UBXN2A: variants seen among roughly 807,000 people sequenced by gnomAD.
UBXN2A encodes the protein UBX domain protein 2A.
A neutral mutation model predicts 28.4 loss-of-function variants in UBXN2A; 28 were observed. The ratio of observed to expected loss-of-function variants is 0.99; its 90% CI spans 0.73 to 1.35. UBXN2A has a LOEUF of 1.35. Ranked by LOEUF, UBXN2A falls within the 40% of genes most tolerant of loss-of-function variation. The pLI, the probability that UBXN2A is intolerant of heterozygous loss-of-function variation, is 0.00. For synonymous variants in UBXN2A, 97 were observed against 103.6 expected (o/e 0.94, Z 0.39); for missense variants, 253 against 297.9 (o/e 0.85, Z 1.11).
chr2:23,975,023 C>T (rs569266127), intron 3 of UBXN2A, among the ~76,000 whole-genome samples: 9 of 151,696 alleles, frequency 5.9e-5, no homozygotes, highest in Non-Finnish European at 1.2e-4. Context: ...ACCTTGACAG[C>T]TTCTCAAAAC....
intron 1 of UBXN2A, among the ~76,000 whole-genome samples, chr2:23,932,318 C>T (rs1705392807): frequency 7.4e-6 from 1 of 135,264 alleles, no homozygotes; most frequent in Non-Finnish European, 1.6e-5. Context: ...ATTTTTCCCC[C>T]TCCGTCTTGG....
intron 5 of UBXN2A, 68 bp from the exon 6 acceptor site, chr2:23,984,605 T>C: frequency 8.2e-7 from 1 of 1,222,508 alleles, no homozygotes; most frequent in Non-Finnish European, 1.1e-6. Flanking sequence ...ATTTTTATAG[T>C]AATTATTTAA....
chr2:23,992,430 G>C (rs1708387493), intron 6 of UBXN2A, among the ~76,000 whole-genome samples: 1 of 152,226 alleles, frequency 6.6e-6, no homozygotes, highest in African/African-American at 2.4e-5. Context: ...GGGGAACTTA[G>C]CTTAGCCTGT....
chr2:23,978,162 G>A (rs1431472355), intron 4 of UBXN2A, among the ~76,000 whole-genome samples: 1 of 152,100 alleles, frequency 6.6e-6, no homozygotes. Flanking sequence ...TTAGGAACTT[G>A]AATTCTGATC....
chr2:23,928,203 GAGAA>G (rs1230253197), intron 1 of UBXN2A, among the ~76,000 whole-genome samples: 1 of 149,534 alleles, frequency 6.7e-6, no homozygotes, highest in Non-Finnish European at 1.5e-5. Flanking sequence ...GAAAGAGAGA[GAGAA>G]AGGAAGAAAG....
intron 2 of UBXN2A, among the ~76,000 whole-genome samples, chr2:23,966,666 T>C (rs12993214): frequency 0.91 from 131,858 of 145,012 alleles, 59,979 homozygotes; most frequent in East Asian, 0.94. Context: ...TTAGCCAGGA[T>C]GGTCTCGATC....
intron 2 of UBXN2A, among the ~76,000 whole-genome samples, chr2:23,965,955 T>G (rs1412094355): frequency 6.6e-6 from 1 of 152,132 alleles, no homozygotes; most frequent in Non-Finnish European, 1.5e-5. Context: ...TGCCTTATAA[T>G]AAATTGGTTC....
Position 24,002,513 on chromosome 2 carries a change from G to T in UBXN2A, c.*2646G>T, listed in dbSNP as rs1441738104. ...GCAACTTGTCCCCCCGGGTTCAAGC[G>T]ATTCTTCTGCCACAGCCTCCCGAGT... On this transcript the variant is annotated 3_prime_UTR_variant, in exon 7 of 7. Transcript: ENST00000309033. 2.0e-5 allele frequency: 3 copies of T among 152,058 alleles called. No homozygotes were observed. Among genetic ancestry groups the T allele is most frequent in the Non-Finnish European group, 2.9e-5 (2 of 68,078 alleles). The allele number at this position is 152,058 out of a possible 1,614,324, so 9.4% of individuals were successfully genotyped here.
At chr2:23,952,961 T>C (rs1199325554) in intron 1 of UBXN2A, among the ~76,000 whole-genome samples, 1 of 60,444 alleles carries the variant, frequency 1.7e-5, no homozygotes, top group Non-Finnish European at 3.0e-5. Flanking sequence ...ATGAAGCTCT[T>C]AGTTGTTTTT....
chr2:23,985,602 G>GTTTTTT (rs34825489), intron 6 of UBXN2A, among the ~76,000 whole-genome samples: 1,489 of 144,360 alleles, frequency 0.01, 16 homozygotes, highest in Non-Finnish European at 0.017. Flanking sequence ...TGTCTAGACA[G>GTTTTTT]TTTTTTTTTT....
chr2:23,949,901 T>C (rs13035058), intron 1 of UBXN2A, among the ~76,000 whole-genome samples: 111,001 of 151,688 alleles, frequency 0.73, 41,059 homozygotes, highest in East Asian at 0.85. Context: ...TTTGTATAAA[T>C]GTGTGGGGTA....
At chr2:23,954,104 C>G (rs944446466) in intron 1 of UBXN2A, among the ~76,000 whole-genome samples, 4 of 152,146 alleles carry the variant, frequency 2.6e-5, no homozygotes, top group African/African-American at 9.7e-5. Flanking sequence ...CCTCCGCCTC[C>G]CGGGTACAAG....
chr2:23,946,309 A>G (rs986009350), intron 1 of UBXN2A, among the ~76,000 whole-genome samples: 2 of 148,676 alleles, frequency 1.3e-5, no homozygotes, highest in African/African-American at 4.9e-5. Flanking sequence ...GTGTGCCATC[A>G]TGCCTGGCTA....
chr2:23,942,994 C>G (rs1014321816), intron 1 of UBXN2A, among the ~76,000 whole-genome samples: 2 of 150,312 alleles, frequency 1.3e-5, no homozygotes, highest in Non-Finnish European at 3.0e-5. Context: ...GACGGAGTCT[C>G]GCACAGGCAG....
intron 1 of UBXN2A, among the ~76,000 whole-genome samples, chr2:23,946,262 C>A (rs1030490491): frequency 6.6e-6 from 1 of 152,130 alleles, no homozygotes; most frequent in Non-Finnish European, 1.5e-5. Flanking sequence ...AAGCGATTCT[C>A]CCGCCTCAGC....
At chr2:23,980,494 T>C (rs1707848161) in intron 4 of UBXN2A, among the ~76,000 whole-genome samples, 1 of 152,222 alleles carries the variant, frequency 6.6e-6, no homozygotes, top group Admixed American at 6.6e-5. Context: ...TAAAGGGGTA[T>C]GTCATTCTGG....
chr2:23,961,886 C>A (rs1221340932), intron 2 of UBXN2A, among the ~76,000 whole-genome samples: 2 of 146,152 alleles, frequency 1.4e-5, no homozygotes, highest in Non-Finnish European at 3.0e-5. Flanking sequence ...GCTCTGTCAC[C>A]CAGGCTGGAG....
At chr2:23,996,368 T>G (rs758756049) in intron 6 of UBXN2A, among the ~76,000 whole-genome samples, 2 of 151,476 alleles carry the variant, frequency 1.3e-5, no homozygotes, top group Admixed American at 6.6e-5. Context: ...TGCCCAGCCC[T>G]CTTAATGTCT....
Position 23,958,337 on chromosome 2 carries a change from A to G in UBXN2A, c.23A>G (p.Lys8Arg), listed in dbSNP as rs150887344. ...AGAATGAAAGACGTAGATAACCTCA[A>G]AAGTATAAAAGAAGAATGGTAAGTT... The part of the protein sequence containing the change: MKDVDNL[K>R]SIKEEWVCET... Residue 8 changes from lysine (K) to arginine (R), a missense_variant, in exon 2 of 7, where the codon AAA (lysine) becomes AGA (arginine). Physicochemically the swap from Lys to Arg is conservative, Grantham distance 26. Coordinates refer to ENST00000309033, the MANE Select transcript of UBXN2A (RefSeq NM_181713.4). 3.5e-5 allele frequency: 57 copies of G among 1,605,884 alleles called. No individual in the cohort carries two copies. The African/African-American group carries it at 7.0e-4, about 20-fold the overall frequency.
Sources: allele counts gnomAD v4.1 joint callset (sites outside exome capture counted in the v4.1 genomes callset), GRCh38; gene constraint gnomAD v4.1.1; transcripts MANE v1.5; gene names NCBI Gene and HGNC (gene_info 2026-07-23, HGNC 2026-07-21).